The following ZNF880 variants were observed in gnomAD, a reference collection of about 807,000 sequenced individuals.
The protein encoded by ZNF880 is zinc finger protein LOC400713.
ZNF880 carries 12 observed loss-of-function variants against 11.8 expected under a neutral mutation model. That is an observed-to-expected ratio of 1.02 (90% CI 0.65 to 1.65). The LOEUF (loss-of-function observed/expected upper bound fraction) is 1.65, where lower values mean the gene tolerates loss of function less well. ZNF880 is among the 40% of genes most tolerant of loss of function. ZNF880 has a pLI of 0.00. For synonymous variants in ZNF880, 210 were observed against 232.4 expected (o/e 0.90, Z 0.88); for missense variants, 601 against 673.9 (o/e 0.89, Z 1.20).
chr19:52,375,090 T>C (rs564121849), intron 3 of ZNF880, among the ~76,000 whole-genome samples: 58 of 152,060 alleles, frequency 3.8e-4, no homozygotes, highest in African/African-American at 1.3e-3. Context: ...TCTTTGTTTT[T>C]GGCGTTTTGT....
At chr19:52,377,547 C>G (rs1814044150) in intron 3 of ZNF880, among the ~76,000 whole-genome samples, 1 of 152,210 alleles carries the variant, frequency 6.6e-6, no homozygotes. Context: ...CCTCAGCAAC[C>G]AATCACAAGT....
upstream of ZNF880, among the ~76,000 whole-genome samples, chr19:52,369,138 G>C (rs1391565734): frequency 3.3e-5 from 5 of 151,424 alleles, no homozygotes; most frequent in Non-Finnish European, 7.4e-5. Flanking sequence ...CAAGGCAGGC[G>C]GATCACGAGG....
chr19:52,369,758 C>T (rs1032762986), upstream of ZNF880, among the ~76,000 whole-genome samples: 2 of 152,126 alleles, frequency 1.3e-5, no homozygotes, highest in African/African-American at 4.8e-5. Context: ...AACAAACTTT[C>T]CCTCTGCCGG....
At position 52,384,044 on chromosome 19, in the gene ZNF880, C is replaced by T. The variant is rs939622310; in HGVS notation, c.464C>T (p.Ser155Phe). Reference protein sequence around the residue: ...PLQKIYSSVKSHILNKYRNDF... With the variant: ...PLQKIYSSVKFHILNKYRNDF... ...CAAAAAATTTATTCTAGTGTCAAATCCCACATTTTAAATAAATACAGAAAT... is the reference window on the plus strand; with the variant it reads ...CAAAAAATTTATTCTAGTGTCAAATTCCACATTTTAAATAAATACAGAAAT... Residue 155 changes from serine to phenylalanine, a missense_variant, in exon 4 of 4, where the codon TCC becomes TTC. Coordinates refer to ENST00000422689, the MANE Select transcript of ZNF880 (RefSeq NM_001145434.2). 3.0e-5 allele frequency: 47 copies of T among 1,559,692 alleles called. 1 individual carries two copies. The highest frequency in any genetic ancestry group is 1.7e-4 in the Middle Eastern group (1 of 6,012).
At chr19:52,382,365 A>C (rs1017209544) in intron 3 of ZNF880, among the ~76,000 whole-genome samples, 2 of 152,198 alleles carry the variant, frequency 1.3e-5, no homozygotes, top group African/African-American at 4.8e-5. Context: ...ACTGACCTTT[A>C]ATGGTGAACT....
At position 52,384,918 on chromosome 19, in the gene ZNF880, G is replaced by A. The variant is rs563341484; in HGVS notation, c.1338G>A (p.Arg446=). The change falls in exon 4 of 4, where the codon AGG becomes AGA. Residue 446 remains arginine, a synonymous_variant. Transcript: ENST00000422689. The stretch of plus-strand genomic sequence containing the variant: ...GTAAAGAATGTGCCAAGGTCTTCAG[G>A]CATAGATTATCCCTAAGCAATCATC... The part of the protein sequence containing the change: ...YKCKECAKVF[R]HRLSLSNHQR... 1.2e-6 allele frequency: 2 copies of A among 1,600,144 alleles called. No homozygotes were observed. Among genetic ancestry groups the A allele is most frequent in the Non-Finnish European group, 1.7e-6 (2 of 1,172,954 alleles).
upstream of ZNF880, chr19:52,369,895 C>T (rs1986307329): frequency 3.2e-6 from 5 of 1,547,722 alleles, no homozygotes; most frequent in Non-Finnish European, 4.4e-6. Context: ...CCGGGCCTGG[C>T]CTCGCCTCGC....
chr19:52,379,662 C>T, intron 3 of ZNF880: 2 of 264,070 alleles, frequency 7.6e-6, no homozygotes, highest in South Asian at 3.3e-5. Context: ...GAGGGCAGAA[C>T]TGCTCTTCCC....
chr19:52,386,044 AGACGCC>A (rs1568666632), downstream of ZNF880, among the ~76,000 whole-genome samples: 22 of 142,252 alleles, frequency 1.5e-4, 2 homozygotes, highest in South Asian at 3.1e-3. Flanking sequence ...GCATGGTGGC[AGACGCC>A]TGTAGTCCCA....
the ZNF880 span, among the ~76,000 whole-genome samples, chr19:52,393,910 C>T: frequency 7.0e-6 from 1 of 142,984 alleles, no homozygotes; most frequent in Non-Finnish European, 1.5e-5. Context: ...GATCTCAGCT[C>T]ACTGCAAGCT....
chr19:52,381,684 G>T (rs1205781567), intron 3 of ZNF880, among the ~76,000 whole-genome samples: 1 of 151,746 alleles, frequency 6.6e-6, no homozygotes, highest in Non-Finnish European at 1.5e-5. Flanking sequence ...ACTGCCTTTT[G>T]TAGTATTTTG....
chr19:52,386,802 C>CAAA (rs71180452), downstream of ZNF880, among the ~76,000 whole-genome samples: 17 of 79,888 alleles, frequency 2.1e-4, no homozygotes, highest in Admixed American at 8.9e-4. Context: ...AACTCTGTCT[C>CAAA]AAAAAAAAAA....
chr19:52,385,588 A>G lies in ZNF880; in HGVS notation c.*274A>G, dbSNP rs56955135. 0.16 allele frequency: 49,136 copies of G among 310,956 alleles called. 7,396 individuals are homozygous for G. Among genetic ancestry groups the G allele is most frequent in the African/African-American group, 0.36 (11,814 of 32,448 alleles). 19.3% of individuals were successfully genotyped at this position (310,956 alleles called of 1,614,324 possible). On this transcript the variant is annotated 3_prime_UTR_variant, in exon 4 of 4. Coordinates refer to ENST00000422689, the MANE Select transcript of ZNF880 (RefSeq NM_001145434.2). ...ATGCTGAGGCTATTATTCAAGGACC[A>G]TTACTATGGAACATGATAAGATTTA...
In ZNF880 at chr19:52,385,364, A is replaced by C. The variant is rs1986854728; in HGVS notation, c.*50A>C. 6.6e-7 allele frequency: 1 copy of C among 1,524,728 alleles called. No homozygotes were observed. Among genetic ancestry groups the C allele is most frequent in the African/African-American group, 1.4e-5 (1 of 72,536 alleles). The allele number at this position is 1,524,728 out of a possible 1,614,324, so 94.4% of individuals were successfully genotyped here. ...AATAATTCACACCTTGCACAGCATG[A>C]GATAATTCATTCATGAGAGAGTTCT... is the stretch of plus-strand genomic sequence containing the variant. On this transcript the variant is annotated 3_prime_UTR_variant, in exon 4 of 4. Transcript: ENST00000422689.
At chr19:52,377,563 G>A (rs73934442) in intron 3 of ZNF880, among the ~76,000 whole-genome samples, 133 of 152,272 alleles carry the variant, frequency 8.7e-4, no homozygotes, top group African/African-American at 3.1e-3. Context: ...CAAGTAGCAG[G>A]TTGTCACCTT....
chr19:52,394,125 C>T, the ZNF880 span, among the ~76,000 whole-genome samples: 1 of 151,998 alleles, frequency 6.6e-6, no homozygotes, highest in African/African-American at 2.4e-5. Flanking sequence ...AGGTGTAAGC[C>T]ACTGCACCCG....
the ZNF880 span, chr19:52,397,557 CTCTCTCTCT>C: frequency 6.6e-6 from 1 of 151,634 alleles, no homozygotes; most frequent in Non-Finnish European, 1.5e-5. Context: ...TTTCTCTTTA[CTCTCTCTCT>C]TCTCTCTCTT....
At chr19:52,388,648 A>ATG (rs1986961398), downstream of ZNF880, among the ~76,000 whole-genome samples, 3 of 151,906 alleles carry the variant, frequency 2.0e-5, no homozygotes, top group African/African-American at 7.3e-5. Flanking sequence ...ATATATTGAG[A>ATG]ATGATGATGC....
upstream of ZNF880, chr19:52,367,555 A>AGTGT (rs144835826): frequency 5.9e-5 from 9 of 152,100 alleles, no homozygotes; most frequent in South Asian, 6.2e-4. Context: ...CAGCCAGAAA[A>AGTGT]GTGTGTGTGT....
Sources: gnomAD v4.1 joint callset for allele counts (sites outside exome capture counted in the v4.1 genomes callset) on GRCh38, gnomAD v4.1.1 for gene constraint, MANE v1.5 for transcripts, NCBI Gene and HGNC (gene_info 2026-07-23, HGNC 2026-07-21) for gene names.